Variants in WNT3A observed in about 807,000 individuals in gnomAD.
WNT3A encodes protein Wnt-3a.
Under a neutral mutation model 37.0 loss-of-function variants are expected in WNT3A, and 17 were observed. The observed-to-expected ratio is 0.46, with a 90% CI of 0.31 to 0.69. The LOEUF (loss-of-function observed/expected upper bound fraction) is 0.69, where lower values mean the gene tolerates loss of function less well. Among genes scored for constraint, WNT3A ranks in the 30% least tolerant of loss-of-function variants. WNT3A has a pLI of 0.05. For missense variants in WNT3A, 411 were observed against 510.2 expected, an observed-to-expected ratio of 0.81 and a Z score of 1.87; for synonymous variants, 187 against 211.0, an observed-to-expected ratio of 0.89 and a Z score of 0.99.
intron 2 of WNT3A, among the ~76,000 whole-genome samples, chr1:228,029,133 C>T (rs1319113558): frequency 6.6e-6 from 1 of 152,226 alleles, no homozygotes; most frequent in African/African-American, 2.4e-5. Context: ...AAGTCAAGGT[C>T]ATCATTTCCT....
At position 228,022,794 on chromosome 1, in the gene WNT3A, G is replaced by A. The variant is rs2030750240; in HGVS notation, c.199G>A (p.Ala67Thr). ...RNYVEIMPSV[A>T]EGIKIGIQEC... Reference sequence around the variant, plus strand: ...CTACGTGGAGATCATGCCCAGCGTGGCCGAGGGCATCAAGATTGGCATCCA... The same window carrying A: ...CTACGTGGAGATCATGCCCAGCGTGACCGAGGGCATCAAGATTGGCATCCA... Residue 67 changes from alanine to threonine, a missense_variant, in exon 2 of 4, where the codon GCC (alanine) becomes ACC (threonine). Physicochemically the swap from Ala to Thr is moderately conservative, Grantham distance 58. Coordinates refer to ENST00000284523, the MANE Select transcript of WNT3A (RefSeq NM_033131.4). 1 of 1,614,044 alleles carries A rather than the reference G, an allele frequency of 6.2e-7. No homozygotes were observed. The highest frequency in any genetic ancestry group is 1.3e-5 in the African/African-American group (1 of 74,934).
In WNT3A at chr1:228,059,754, C is replaced by T. The variant is rs368115699; in HGVS notation, c.*289C>T. On this transcript the variant is annotated 3_prime_UTR_variant, in exon 4 of 4. Coordinates refer to ENST00000284523, the MANE Select transcript of WNT3A (RefSeq NM_033131.4). The stretch of plus-strand genomic sequence containing the variant: ...TCCCTGGGGACGGGGCTCCCCTGGA[C>T]AGAGGCGGGGCTACAGATTGGGCGG... The T allele has an allele frequency of 8.0e-7, 1 of 1,253,568 alleles. No individual in the cohort carries two copies. The highest frequency in any genetic ancestry group is 3.1e-4 in the Middle Eastern group (1 of 3,238). 77.7% of individuals were successfully genotyped at this position (1,253,568 alleles called of 1,614,324 possible). A position where few individuals can be genotyped will look rare whatever the true frequency, so the allele number is the denominator to read the frequency against.
In WNT3A at chr1:228,042,831, T is replaced by G. The variant is rs1278664983; in HGVS notation, c.314-7825T>G. 6.6e-6 allele frequency among the ~76,000 whole-genome samples: 1 copy of G among 150,430 alleles called. No homozygotes were observed. The highest frequency in any genetic ancestry group is 2.5e-5 in the African/African-American group (1 of 40,738). ...GGATGGATGGATAATGGATGATGGA[T>G]GGATGTGGATGACAGATGATGGGTG... is the stretch of plus-strand genomic sequence containing the variant. On this transcript the variant is annotated intron_variant, in intron 2 of 3. Transcript: ENST00000284523. This position sits in a 1 kb window ranked among gnomAD's most constrained non-coding sequence, Gnocchi z 5.2.
Position 228,060,387 on chromosome 1 carries a change from C to A in WNT3A, c.*922C>A. ...TGGCTTTGGAATGCTCCAGGCGCGC[C>A]GACGCCTGTGCCACCCCTTCCTCAG... On this transcript the variant is annotated 3_prime_UTR_variant, in exon 4 of 4. Transcript: ENST00000284523. 1 of 1,076,448 alleles carries A rather than the reference C, an allele frequency of 9.3e-7. No homozygotes were observed. The highest frequency in any genetic ancestry group is 1.3e-6 in the Non-Finnish European group (1 of 789,390). The allele number at this position is 1,076,448 out of a possible 1,614,324, so 66.7% of individuals were successfully genotyped here. A position where few individuals can be genotyped will look rare whatever the true frequency, so the allele number is the denominator to read the frequency against.
At chr1:228,055,987 C>T (rs2031677136) in intron 3 of WNT3A, among the ~76,000 whole-genome samples, 1 of 152,168 alleles carries the variant, frequency 6.6e-6, no homozygotes, top group Non-Finnish European at 1.5e-5. Context: ...TCTCTCTCCT[C>T]CTGATTTCCT....
At chr1:228,025,343 GT>G (rs1489488333) in intron 2 of WNT3A, among the ~76,000 whole-genome samples, 1 of 151,944 alleles carries the variant, frequency 6.6e-6, no homozygotes, top group Non-Finnish European at 1.5e-5. Context: ...CCTTAATTTT[GT>G]TTGTTTGTTT....
intron 1 of WNT3A, among the ~76,000 whole-genome samples, chr1:228,012,393 T>C (rs1374212561): frequency 2.0e-5 from 3 of 152,246 alleles, no homozygotes; most frequent in Admixed American, 2.0e-4. Flanking sequence ...GGTGACATTG[T>C]AGCGGTTTGA....
intron 2 of WNT3A, among the ~76,000 whole-genome samples, chr1:228,040,978 TA>T (rs1489432073): frequency 7.0e-6 from 1 of 142,334 alleles, no homozygotes; most frequent in Non-Finnish European, 1.5e-5. Flanking sequence ...ATTTTATATA[TA>T]TATATATATA....
chr1:228,059,496 G>A lies in WNT3A; in HGVS notation c.*31G>A, dbSNP rs779940896. 4.7e-6 allele frequency: 7 copies of A among 1,479,072 alleles called. No homozygotes were observed. The highest frequency in any genetic ancestry group is 1.4e-5 in the African/African-American group (1 of 70,974). The allele number at this position is 1,479,072 out of a possible 1,614,324, so 91.6% of individuals were successfully genotyped here. ...GGCCGCGGCTCCCCCTGGACGGGGCGGGCCCTGCCTGAGGGTGGGCTTTTC... is the reference window on the plus strand; with the variant it reads ...GGCCGCGGCTCCCCCTGGACGGGGCAGGCCCTGCCTGAGGGTGGGCTTTTC... On this transcript the variant is annotated 3_prime_UTR_variant, in exon 4 of 4. Coordinates refer to ENST00000284523, the MANE Select transcript of WNT3A (RefSeq NM_033131.4).
intron 3 of WNT3A, 117 bp from the exon 4 acceptor site, chr1:228,058,869 C>A: frequency 9.4e-7 from 1 of 1,065,170 alleles, no homozygotes; most frequent in Non-Finnish European, 1.3e-6. Context: ...GGGAGTCTGC[C>A]CCCTCTGCCC....
chr1:228,016,007 T>C (rs1571793261), intron 1 of WNT3A, among the ~76,000 whole-genome samples: 1 of 152,022 alleles, frequency 6.6e-6, no homozygotes, highest in Non-Finnish European at 1.5e-5. Flanking sequence ...GTGCTCAGGG[T>C]CTGTCTGTGC....
intron 2 of WNT3A, among the ~76,000 whole-genome samples, chr1:228,048,489 T>C (rs2031475467): frequency 6.6e-6 from 1 of 152,238 alleles, no homozygotes; most frequent in African/African-American, 2.4e-5. Flanking sequence ...CAGCTCAGAC[T>C]GCAATGCTTG....
intron 2 of WNT3A, among the ~76,000 whole-genome samples, chr1:228,049,924 C>T (rs532744395): frequency 2.0e-4 from 31 of 151,626 alleles, no homozygotes; most frequent in South Asian, 1.3e-3. Flanking sequence ...ACTACATGCA[C>T]ACACCACTGC....
intron 1 of WNT3A, among the ~76,000 whole-genome samples, chr1:228,012,828 T>A (rs954244127): frequency 2.6e-5 from 4 of 151,558 alleles, no homozygotes; most frequent in African/African-American, 9.7e-5. Context: ...ACCAGGGAGG[T>A]GCTGAGCTGC....
intron 1 of WNT3A, among the ~76,000 whole-genome samples, chr1:228,017,026 A>G (rs2030553878): frequency 6.6e-6 from 1 of 152,240 alleles, no homozygotes; most frequent in African/African-American, 2.4e-5. Context: ...TCCAAACTAT[A>G]TCAACACATT....
intron 1 of WNT3A, among the ~76,000 whole-genome samples, chr1:228,012,403 A>ACGGT (rs1453004042): frequency 6.6e-6 from 1 of 152,234 alleles, no homozygotes; most frequent in Non-Finnish European, 1.5e-5. Context: ...TAGCGGTTTG[A>ACGGT]CGGTGCTGCA....
intron 2 of WNT3A, among the ~76,000 whole-genome samples, chr1:228,046,768 G>T (rs1260775544): frequency 6.6e-6 from 1 of 150,376 alleles, no homozygotes; most frequent in African/African-American, 2.4e-5. Flanking sequence ...GTGTGGTGGG[G>T]TGTGCATGTG....
chr1:228,021,446 C>A (rs1382803073), intron 1 of WNT3A, among the ~76,000 whole-genome samples: 1 of 152,162 alleles, frequency 6.6e-6, no homozygotes, highest in African/African-American at 2.4e-5. Flanking sequence ...TGAGCTCAGA[C>A]TGGGGGATGC....
At position 228,039,593 on chromosome 1, in the gene WNT3A, G is replaced by A. The variant is rs1303674132; in HGVS notation, c.314-11063G>A. Among the ~76,000 whole-genome samples, 1 of 152,204 alleles carries A rather than the reference G, an allele frequency of 6.6e-6. No individual in the cohort carries two copies. Among genetic ancestry groups the A allele is most frequent in the African/African-American group, 2.4e-5 (1 of 41,448 alleles). ...TGGTCACAGCCCAGAGGAGGGGTCAGCACGGAATGGAATCTGAGCTTGGGA... is the reference window on the plus strand; with the variant it reads ...TGGTCACAGCCCAGAGGAGGGGTCAACACGGAATGGAATCTGAGCTTGGGA... On this transcript the variant is annotated intron_variant, in intron 2 of 3. Transcript: ENST00000284523. This position sits in a 1 kb window ranked among gnomAD's most constrained non-coding sequence, Gnocchi z 4.1.
Sources: gnomAD v4.1 joint callset for allele counts (sites outside exome capture counted in the v4.1 genomes callset) on GRCh38, gnomAD v4.1.1 for gene constraint, Gnocchi (gnomAD v3.1) non-coding constraint, MANE v1.5 for transcripts, NCBI Gene and HGNC (gene_info 2026-07-23, HGNC 2026-07-21) for gene names.